Variants in RALGAPA2 observed in about 807,000 individuals in gnomAD.
The protein encoded by RALGAPA2 is Ral GTPase activating protein catalytic subunit alpha 2.
In RALGAPA2, 139 loss-of-function variants were observed where a neutral mutation model predicts 230.4. That is an observed-to-expected ratio of 0.60 (90% CI 0.53 to 0.69). The LOEUF (loss-of-function observed/expected upper bound fraction) is 0.69. Among genes scored for constraint, RALGAPA2 ranks in the 30% least tolerant of loss-of-function variants. The probability of loss-of-function intolerance (pLI) is 0.00; values close to 1 mark genes in which losing one functional copy is unlikely to be tolerated. For missense variants in RALGAPA2, 2,163 were observed against 2,276.0 expected, an observed-to-expected ratio of 0.95 and a Z score of 1.01; for synonymous variants, 847 against 837.8, an observed-to-expected ratio of 1.01 and a Z score of -0.19.
intron 9 of RALGAPA2, among the ~76,000 whole-genome samples, chr20:20,632,232 G>A (rs1281445827): frequency 6.6e-6 from 1 of 151,774 alleles, no homozygotes; most frequent in Admixed American, 6.6e-5. Flanking sequence ...GGGTTTCACC[G>A]TGTTAGCCAG....
intron 37 of RALGAPA2, among the ~76,000 whole-genome samples, chr20:20,417,166 C>T (rs1255244649): frequency 1.3e-5 from 2 of 152,192 alleles, no homozygotes; most frequent in African/African-American, 4.8e-5. Context: ...CTGTTCCATC[C>T]CTTGAGTACA....
chr20:20,435,244 G>C (rs1047129443), intron 37 of RALGAPA2, among the ~76,000 whole-genome samples: 2 of 152,244 alleles, frequency 1.3e-5, no homozygotes, highest in Non-Finnish European at 2.9e-5. Flanking sequence ...AAATGGTCAT[G>C]GGAGGCATGG....
chr20:20,448,752 A>C (rs968962253), intron 37 of RALGAPA2, among the ~76,000 whole-genome samples: 3 of 152,190 alleles, frequency 2.0e-5, no homozygotes, highest in African/African-American at 7.2e-5. Flanking sequence ...GGGTACTGAA[A>C]GAAAATATAG....
At chr20:20,579,584 T>C (rs1022227116) in intron 20 of RALGAPA2, among the ~76,000 whole-genome samples, 1 of 152,226 alleles carries the variant, frequency 6.6e-6, no homozygotes, top group Non-Finnish European at 1.5e-5. Flanking sequence ...TAATGCAGTT[T>C]TCATTTTGCT....
At chr20:20,528,290 C>G (rs1378376747) in intron 27 of RALGAPA2, among the ~76,000 whole-genome samples, 1 of 152,168 alleles carries the variant, frequency 6.6e-6, no homozygotes, top group Non-Finnish European at 1.5e-5. Context: ...GCTGAGCGCT[C>G]CAGCCTGTGG....
chr20:20,609,810 G>A (rs1185872287), intron 14 of RALGAPA2, among the ~76,000 whole-genome samples: 1 of 152,166 alleles, frequency 6.6e-6, no homozygotes, highest in Non-Finnish European at 1.5e-5. Context: ...GCAAAGCAGT[G>A]GTCAGTACCA....
intron 37 of RALGAPA2, among the ~76,000 whole-genome samples, chr20:20,430,871 T>C (rs1044932660): frequency 2.6e-5 from 4 of 152,152 alleles, no homozygotes; most frequent in African/African-American, 9.7e-5. Context: ...TGCCTCTATA[T>C]ATTTTCAATC....
chr20:20,582,948 T>C (rs2065028990), intron 20 of RALGAPA2, 102 bp downstream of exon 20: 1 of 1,275,618 alleles, frequency 7.8e-7, no homozygotes, highest in South Asian at 1.5e-5. Context: ...GCACACTTCC[T>C]CCTACAACTG....
chr20:20,648,343 G>A (rs1336551405), intron 4 of RALGAPA2, among the ~76,000 whole-genome samples: 1 of 152,044 alleles, frequency 6.6e-6, no homozygotes, highest in Non-Finnish European at 1.5e-5. Context: ...GGGACTGGGG[G>A]ATGAGATGAG....
rs886855360 is a variant in RALGAPA2, at chr20:20,512,819, T to A, written c.4550A>T (p.Asp1517Val). The stretch of plus-strand genomic sequence containing the variant: ...TTCAAGTAATTTGTCAAGAACATCA[T>A]CCCCCTCCTCAACTTGAGAAGAGTC... Reference protein sequence around the residue: ...QKDSSQVEEGDDVLDKLLENI... With the variant: ...QKDSSQVEEGVDVLDKLLENI... Residue 1517 changes from aspartate (D) to valine (V), a missense_variant, in exon 32 of 40, where the codon GAT becomes GTT. Asp to Val is a radical substitution (Grantham distance 152, BLOSUM62 -3). Transcript: ENST00000202677. 1 of 1,613,424 alleles carries A rather than the reference T, an allele frequency of 6.2e-7. No individual in the cohort carries two copies. Among genetic ancestry groups the A allele is most frequent in the Non-Finnish European group, 8.5e-7 (1 of 1,179,536 alleles).
At chr20:20,698,781 G>A (rs892015249) in intron 1 of RALGAPA2, among the ~76,000 whole-genome samples, 2 of 152,204 alleles carry the variant, frequency 1.3e-5, no homozygotes, top group Admixed American at 6.5e-5. Flanking sequence ...AGCACTTCTT[G>A]ATGGTAGAAT....
intron 37 of RALGAPA2, among the ~76,000 whole-genome samples, chr20:20,431,177 A>G (rs1197069872): frequency 1.3e-5 from 2 of 152,302 alleles, no homozygotes; most frequent in African/African-American, 2.4e-5. Flanking sequence ...ATCATGGGGC[A>G]TTTCCCAAGA....
chr20:20,690,156 GC>G (rs2068852010), intron 1 of RALGAPA2, among the ~76,000 whole-genome samples: 1 of 152,070 alleles, frequency 6.6e-6, no homozygotes, highest in Admixed American at 6.6e-5. Flanking sequence ...CTTTCAATCT[GC>G]ACCCACTTTA....
intron 8 of RALGAPA2, 61 bp from the exon 9 acceptor site, chr20:20,635,678 T>A (rs2066835298): frequency 2.1e-5 from 28 of 1,346,848 alleles, no homozygotes; most frequent in Non-Finnish European, 2.8e-5. Flanking sequence ...AAGTAATCCC[T>A]ACAAATGTTT....
chr20:20,648,526 C>T (rs138346023), intron 4 of RALGAPA2, among the ~76,000 whole-genome samples: 1 of 151,796 alleles, frequency 6.6e-6, no homozygotes, highest in African/African-American at 2.4e-5. Flanking sequence ...GTTAACCACC[C>T]CCCATAAATA....
At position 20,520,991 on chromosome 20, in the gene RALGAPA2, G is replaced by A. The variant is rs775273431; in HGVS notation, c.4010C>T (p.Ala1337Val). ...STDYDPFLPL[A>V]NVKSSEPVQY... Reference sequence around the variant, plus strand: ...GACTGGCTCAGAGCTCTTCACATTTGCCAGTGGCAGGAAGGGGTCATAATC... The same window carrying A: ...GACTGGCTCAGAGCTCTTCACATTTACCAGTGGCAGGAAGGGGTCATAATC... The change falls in exon 31 of 40, where the codon GCA becomes GTA. Residue 1337 changes from alanine (A) to valine (V), a missense_variant. By Grantham distance (64) the Ala-to-Val change is moderately conservative. Transcript: ENST00000202677. The A allele has an allele frequency of 1.2e-5, 19 of 1,613,874 alleles. No homozygotes were observed. Among genetic ancestry groups the A allele is most frequent in the Non-Finnish European group, 1.6e-5 (19 of 1,179,836 alleles).
intron 37 of RALGAPA2, among the ~76,000 whole-genome samples, chr20:20,457,517 G>A (rs985867112): frequency 3.3e-5 from 5 of 152,168 alleles, no homozygotes; most frequent in East Asian, 3.8e-4. Context: ...AGCTGAATTC[G>A]TTCATTCGGC....
intron 37 of RALGAPA2, among the ~76,000 whole-genome samples, chr20:20,452,463 G>A (rs1479717469): frequency 6.6e-6 from 1 of 152,164 alleles, no homozygotes; most frequent in Admixed American, 6.5e-5. Context: ...TACTTTATTC[G>A]GTGCCACCGC....
intron 3 of RALGAPA2, 110 bp downstream of exon 3, chr20:20,676,126 T>C (rs1395717148): frequency 2.9e-6 from 2 of 691,598 alleles, no homozygotes; most frequent in African/African-American, 3.7e-5. Context: ...AAGAAAAAAA[T>C]ATATGTCCAC....
Sources: gnomAD v4.1 joint callset for allele counts (sites outside exome capture counted in the v4.1 genomes callset) on GRCh38, gnomAD v4.1.1 for gene constraint, MANE v1.5 for transcripts, NCBI Gene and HGNC (gene_info 2026-07-23, HGNC 2026-07-21) for gene names.